Variants in SPATS2L observed in about 807,000 individuals in gnomAD.
SPATS2L encodes spermatogenesis associated serine rich 2 like.
A neutral mutation model predicts 59.6 loss-of-function variants in SPATS2L; 30 were observed. The observed-to-expected ratio is 0.50, with a 90% confidence interval of 0.38 to 0.68. The LOEUF is 0.68. SPATS2L is among the 30% of genes least tolerant of loss of function. The pLI is 0.00. For missense variants in SPATS2L, 615 were observed against 700.0 expected, an observed-to-expected ratio of 0.88 and a Z score of 1.37; for synonymous variants, 252 against 263.5, an observed-to-expected ratio of 0.96 and a Z score of 0.42.
chr2:200,465,381 A>G (rs2086519884), intron 9 of SPATS2L, among the ~76,000 whole-genome samples: 1 of 152,254 alleles, frequency 6.6e-6, no homozygotes, highest in Admixed American at 6.5e-5. Flanking sequence ...TGTAAACGTA[A>G]TGTGTGGACC....
intron 8 of SPATS2L, among the ~76,000 whole-genome samples, chr2:200,452,050 G>T (rs963354187): frequency 2.0e-5 from 3 of 151,998 alleles, no homozygotes; most frequent in Non-Finnish European, 4.4e-5. Flanking sequence ...TGCCTGCCTC[G>T]CCCTCCCAAA....
At chr2:200,342,962 A>T (rs770536176) in intron 2 of SPATS2L, among the ~76,000 whole-genome samples, 3 of 152,220 alleles carry the variant, frequency 2.0e-5, no homozygotes, top group African/African-American at 7.2e-5. Flanking sequence ...ATGAATAAAT[A>T]AAAAAATTTC....
chr2:200,342,294 C>T (rs2080358244), intron 2 of SPATS2L, among the ~76,000 whole-genome samples: 1 of 152,184 alleles, frequency 6.6e-6, no homozygotes. Context: ...TTTAGAAAGG[C>T]TGCAGACTAA....
intron 2 of SPATS2L, among the ~76,000 whole-genome samples, chr2:200,358,256 C>T (rs1203495628): frequency 6.6e-6 from 1 of 152,216 alleles, no homozygotes; most frequent in African/African-American, 2.4e-5. Context: ...GGATCTAGCA[C>T]ACAGGTTTCA....
intron 6 of SPATS2L, among the ~76,000 whole-genome samples, chr2:200,421,804 G>A (rs947181575): frequency 6.6e-6 from 1 of 152,094 alleles, no homozygotes; most frequent in Non-Finnish European, 1.5e-5. Context: ...TTAAATAATC[G>A]AGTGGCAGAT....
At chr2:200,323,828 A>G (rs2079641788) in intron 1 of SPATS2L, among the ~76,000 whole-genome samples, 1 of 152,212 alleles carries the variant, frequency 6.6e-6, no homozygotes, top group Admixed American at 6.5e-5. Context: ...AAAAGACTAT[A>G]AGGTAGAAAA....
chr2:200,396,423 T>C (rs529266797), intron 3 of SPATS2L, among the ~76,000 whole-genome samples: 13 of 152,274 alleles, frequency 8.5e-5, no homozygotes, highest in African/African-American at 2.9e-4. Context: ...ATGATGGAGA[T>C]AGAAGGTGTT....
At chr2:200,432,694 A>G (rs1001658284) in intron 6 of SPATS2L, among the ~76,000 whole-genome samples, 3 of 152,230 alleles carry the variant, frequency 2.0e-5, no homozygotes, top group Non-Finnish European at 4.4e-5. Flanking sequence ...ACAACACAGA[A>G]GTTGGAATTA....
intron 3 of SPATS2L, 44 bp from the exon 4 acceptor site, chr2:200,412,267 A>G (rs756902767): frequency 5.0e-6 from 6 of 1,190,596 alleles, no homozygotes; most frequent in Non-Finnish European, 7.0e-6. Context: ...AAAAATATTT[A>G]AAGTGTTCAC....
At chr2:200,395,600 T>G (rs1158444934) in intron 3 of SPATS2L, among the ~76,000 whole-genome samples, 2 of 152,166 alleles carry the variant, frequency 1.3e-5, no homozygotes, top group Non-Finnish European at 2.9e-5. Flanking sequence ...CACAAAGTCA[T>G]CAAGTACAAT....
At chr2:200,439,676 C>T (rs1234949496) in intron 7 of SPATS2L, among the ~76,000 whole-genome samples, 1 of 152,182 alleles carries the variant, frequency 6.6e-6, no homozygotes, top group Non-Finnish European at 1.5e-5. Flanking sequence ...AAAAGGGACT[C>T]ATGTTTCCCT....
At chr2:200,334,870 A>G (rs2080088039) in intron 2 of SPATS2L, among the ~76,000 whole-genome samples, 2 of 152,166 alleles carry the variant, frequency 1.3e-5, no homozygotes, top group African/African-American at 2.4e-5. Flanking sequence ...CCATTGATCT[A>G]TATATCTGTT....
chr2:200,351,419 C>G (rs1185022819), intron 2 of SPATS2L: 4 of 414,250 alleles, frequency 9.7e-6, no homozygotes, highest in Non-Finnish European at 2.0e-5. Flanking sequence ...TTTCAAAATC[C>G]TGAGAAATTA....
intron 6 of SPATS2L, among the ~76,000 whole-genome samples, chr2:200,419,997 G>A (rs1028706705): frequency 6.6e-6 from 1 of 152,126 alleles, no homozygotes; most frequent in African/African-American, 2.4e-5. Context: ...GTTATTCAAT[G>A]TTTTCTTTAG....
chr2:200,447,304 GATGCCAGTGACATACCCAGGT>G (rs2085113399), intron 8 of SPATS2L, among the ~76,000 whole-genome samples: 1 of 152,158 alleles, frequency 6.6e-6, no homozygotes, highest in East Asian at 1.9e-4. Flanking sequence ...CAACTACTCT[GATGCCAGTGACATACCCAGGT>G]ATGCCAGCCA....
chr2:200,439,259 T>G lies in SPATS2L; in HGVS notation c.583T>G (p.Ser195Ala). Reference sequence around the variant, plus strand: ...CCCAAGCAAGCCTAAGGCAAAAACATCTCCTGTTAAGTCCAATACCCCTGC... The same window carrying G: ...CCCAAGCAAGCCTAAGGCAAAAACAGCTCCTGTTAAGTCCAATACCCCTGC... ...CNPSKPKAKT[S>A]PVKSNTPAAH... Residue 195 changes from serine to alanine, a missense_variant, in exon 7 of 13, where the codon TCT becomes GCT. Ser to Ala is a moderately conservative substitution (Grantham distance 99, BLOSUM62 1). Coordinates refer to ENST00000409140, the MANE Select transcript of SPATS2L (RefSeq NM_001100423.2). 6.2e-7 allele frequency: 1 copy of G among 1,613,630 alleles called. No homozygotes were observed. The highest frequency in any genetic ancestry group is 8.5e-7 in the Non-Finnish European group (1 of 1,179,708).
chr2:200,465,467 T>A (rs1207486424), intron 9 of SPATS2L, among the ~76,000 whole-genome samples: 2 of 152,256 alleles, frequency 1.3e-5, no homozygotes, highest in Non-Finnish European at 2.9e-5. Flanking sequence ...CTGGGTGTCC[T>A]GAGACATCCT....
chr2:200,319,935 T>G (rs190097333), intron 1 of SPATS2L, among the ~76,000 whole-genome samples: 214 of 152,348 alleles, frequency 1.4e-3, no homozygotes, highest in South Asian at 5.0e-3. Flanking sequence ...AGCTTTGAAT[T>G]CTAAAATTTT....
chr2:200,402,833 A>G (rs560783548), intron 3 of SPATS2L, among the ~76,000 whole-genome samples: 2 of 152,356 alleles, frequency 1.3e-5, no homozygotes, highest in Admixed American at 6.5e-5. Flanking sequence ...ACAAAATTCA[A>G]ATAACAAATC....
Sources: gnomAD v4.1 joint callset for allele counts (sites outside exome capture counted in the v4.1 genomes callset) on GRCh38, gnomAD v4.1.1 for gene constraint, MANE v1.5 for transcripts, NCBI Gene and HGNC (gene_info 2026-07-23, HGNC 2026-07-21) for gene names.